Variants in MTUS2 observed in about 807,000 individuals in gnomAD.
MTUS2 encodes the protein microtubule associated scaffold protein 2, also known as microtubule-associated tumor suppressor candidate 2.
A neutral mutation model predicts 114.1 loss-of-function variants in MTUS2; 40 were observed. The observed-to-expected ratio is 0.35, with a 90% CI of 0.27 to 0.46. The LOEUF (loss-of-function observed/expected upper bound fraction) is 0.46. Ranked by LOEUF, MTUS2 falls within the 20% of genes least tolerant of loss-of-function variation. The pLI, the probability that MTUS2 is intolerant of heterozygous loss-of-function variation, is 1.00. For synonymous variants in MTUS2, 688 were observed against 672.0 expected (o/e 1.02, Z -0.37); for missense variants, 1,679 against 1,705.4 (o/e 0.98, Z 0.27).
chr13:29,477,357 T>C (rs1880779552), intron 9 of MTUS2, among the ~76,000 whole-genome samples: 1 of 152,318 alleles, frequency 6.6e-6, no homozygotes, highest in Non-Finnish European at 1.5e-5. Context: ...AAGAGCTTTG[T>C]TCGCTAGCTC....
chr13:29,142,062 G>C (rs1593522088), intron 5 of MTUS2, among the ~76,000 whole-genome samples: 2 of 151,850 alleles, frequency 1.3e-5, no homozygotes, highest in Non-Finnish European at 2.9e-5. Context: ...GGGTTTCACT[G>C]TGTTAGCCAG....
At chr13:29,049,852 G>A (rs887507599) in intron 4 of MTUS2, among the ~76,000 whole-genome samples, 1 of 152,210 alleles carries the variant, frequency 6.6e-6, no homozygotes, top group African/African-American at 2.4e-5. Flanking sequence ...GTGGTGTCAA[G>A]AGACTCTAAA....
chr13:29,076,641 T>A (rs1889205629), intron 4 of MTUS2, among the ~76,000 whole-genome samples: 1 of 152,178 alleles, frequency 6.6e-6, no homozygotes, highest in African/African-American at 2.4e-5. Context: ...GCTGCTTAAA[T>A]GTCCTCATGG....
intron 6 of MTUS2, among the ~76,000 whole-genome samples, chr13:29,307,999 T>C (rs1482333762): frequency 6.6e-6 from 1 of 152,124 alleles, no homozygotes; most frequent in East Asian, 1.9e-4. Context: ...AAGGAAATGG[T>C]CATACTGCCC....
intron 5 of MTUS2, among the ~76,000 whole-genome samples, chr13:29,271,635 C>G (rs1399187414): frequency 1.3e-5 from 2 of 152,138 alleles, no homozygotes; most frequent in African/African-American, 2.4e-5. Context: ...CTTTGCTGGA[C>G]CAAGCAGCTC....
rs193165320 is a variant in MTUS2 at position 29,127,205 on chromosome 13, C to A, written c.2644+26235C>A. Reference sequence around the variant, plus strand: ...TGATATCATGCCCCCTCCCCCTGCCCAAGTGTGAGTGAGAGGTCTCTGTCC... The same window carrying A: ...TGATATCATGCCCCCTCCCCCTGCCAAAGTGTGAGTGAGAGGTCTCTGTCC... On this transcript the variant is annotated intron_variant, in intron 5 of 15. Transcript: ENST00000612955. Among the ~76,000 whole-genome samples, 17 of 152,292 alleles carry A rather than the reference C, an allele frequency of 1.1e-4. No individual in the cohort carries two copies. In the East Asian group the frequency reaches 3.3e-3, roughly 29 times the overall value.
chr13:28,831,143 A>G (rs377133092), intron 1 of MTUS2, among the ~76,000 whole-genome samples: 1 of 98,232 alleles, frequency 1.0e-5, no homozygotes, highest in African/African-American at 3.8e-5. Flanking sequence ...CACTAAGAAA[A>G]TAACTAAAAA....
chr13:29,288,427 G>T (rs1041394751), intron 6 of MTUS2, among the ~76,000 whole-genome samples: 2 of 151,962 alleles, frequency 1.3e-5, no homozygotes, highest in East Asian at 3.8e-4. Flanking sequence ...GTTCTTTGAG[G>T]AATGGAAAGG....
chr13:29,335,001 A>T (rs1307489636), intron 7 of MTUS2, among the ~76,000 whole-genome samples: 1 of 152,200 alleles, frequency 6.6e-6, no homozygotes, highest in African/African-American at 2.4e-5. Context: ...AACAATATCA[A>T]ATCTGGGCAC....
At chr13:29,162,558 T>C (rs1893144535) in intron 5 of MTUS2, among the ~76,000 whole-genome samples, 1 of 152,220 alleles carries the variant, frequency 6.6e-6, no homozygotes, top group Non-Finnish European at 1.5e-5. Context: ...GACCATGTTT[T>C]TGAACAGATA....
intron 5 of MTUS2, among the ~76,000 whole-genome samples, chr13:29,176,790 C>T (rs1026922786): frequency 1.4e-5 from 2 of 146,608 alleles, no homozygotes; most frequent in Non-Finnish European, 2.9e-5. Flanking sequence ...AAATTCAGAC[C>T]ATGATAACAG....
chr13:29,250,297 G>A (rs1897077255), intron 5 of MTUS2: 1 of 152,058 alleles, frequency 6.6e-6, no homozygotes, highest in East Asian at 1.9e-4. Context: ...AAATCCCGAG[G>A]AGCTCAGTTG....
intron 9 of MTUS2, among the ~76,000 whole-genome samples, chr13:29,441,563 C>A (rs1483154058): frequency 1.3e-5 from 2 of 152,222 alleles, no homozygotes. Context: ...GGCCACGCCT[C>A]ATGATCCAGA....
intron 8 of MTUS2, among the ~76,000 whole-genome samples, chr13:29,404,643 C>T (rs1374458044): frequency 6.6e-6 from 1 of 152,172 alleles, no homozygotes; most frequent in Non-Finnish European, 1.5e-5. Context: ...AATTCAGTCT[C>T]GTACTCACAC....
intron 2 of MTUS2, among the ~76,000 whole-genome samples, chr13:28,922,068 C>T (rs1881072695): frequency 6.6e-6 from 1 of 152,082 alleles, no homozygotes; most frequent in Admixed American, 6.5e-5. Flanking sequence ...GAGCAGATTT[C>T]CCCCTTGCTG....
chr13:29,389,561 ATATGTG>A (rs1873066275), intron 8 of MTUS2, among the ~76,000 whole-genome samples: 2 of 48,084 alleles, frequency 4.2e-5, no homozygotes, highest in African/African-American at 1.4e-4. Context: ...ACACGTGTGT[ATATGTG>A]TACATATGTG....
At chr13:29,367,300 A>G (rs745603866) in intron 8 of MTUS2, among the ~76,000 whole-genome samples, 1 of 152,094 alleles carries the variant, frequency 6.6e-6, no homozygotes, top group Non-Finnish European at 1.5e-5. Flanking sequence ...TTGAGCAGAG[A>G]GCGGTGCAGT....
At chr13:29,193,806 A>G (rs1444514188) in intron 5 of MTUS2, among the ~76,000 whole-genome samples, 1 of 152,144 alleles carries the variant, frequency 6.6e-6, no homozygotes, top group Non-Finnish European at 1.5e-5. Flanking sequence ...AGCCAAAAGA[A>G]CAAAGCTGGA....
At chr13:29,445,634 C>T (rs1157716837) in intron 9 of MTUS2, among the ~76,000 whole-genome samples, 1 of 152,156 alleles carries the variant, frequency 6.6e-6, no homozygotes, top group Non-Finnish European at 1.5e-5. Flanking sequence ...TGGCCAGGCA[C>T]AGTGGCTCAT....
Sources: gnomAD v4.1 joint callset for allele counts (sites outside exome capture counted in the v4.1 genomes callset) on GRCh38, gnomAD v4.1.1 for gene constraint, MANE v1.5 for transcripts, NCBI Gene and HGNC (gene_info 2026-07-23, HGNC 2026-07-21) for gene names.